WWOX: variants seen among roughly 807,000 people sequenced by gnomAD.
WWOX encodes the protein WW domain-containing oxidoreductase.
WWOX carries 69 observed loss-of-function variants against 46.2 expected under a neutral mutation model. The ratio of observed to expected loss-of-function variants is 1.49; its 90% CI spans 1.23 to 1.82. The LOEUF is 1.82. WWOX is among the 40% of genes most tolerant of loss of function. The pLI is 0.00. For missense variants in WWOX, 919 were observed against 542.6 expected, an observed-to-expected ratio of 1.69 and a Z score of -6.89; for synonymous variants, 359 against 202.6, an observed-to-expected ratio of 1.77 and a Z score of -6.56.
At chr16:78,712,507 A>G (rs1030319354) in intron 8 of WWOX, among the ~76,000 whole-genome samples, 1 of 152,018 alleles carries the variant, frequency 6.6e-6, no homozygotes, top group African/African-American at 2.4e-5. Context: ...TCTTAAAAAA[A>G]AAAAAAAGTC....
intron 8 of WWOX, among the ~76,000 whole-genome samples, chr16:79,005,510 T>C (rs1006920004): frequency 6.6e-6 from 1 of 152,206 alleles, no homozygotes; most frequent in Admixed American, 6.5e-5. Context: ...ATCCTCTCTC[T>C]GAAAACTCTA....
At chr16:78,245,641 T>C (rs2037794084) in intron 5 of WWOX, among the ~76,000 whole-genome samples, 1 of 152,230 alleles carries the variant, frequency 6.6e-6, no homozygotes, top group African/African-American at 2.4e-5. Context: ...CTCACTAATG[T>C]GCATGTCTTC....
chr16:79,168,828 C>G (rs1381304736), intron 8 of WWOX, among the ~76,000 whole-genome samples: 2 of 152,180 alleles, frequency 1.3e-5, no homozygotes, highest in African/African-American at 4.8e-5. Context: ...AGAATTCACT[C>G]TCTCCACACC....
chr16:78,913,243 G>A (rs1045454558), intron 8 of WWOX, among the ~76,000 whole-genome samples: 1 of 151,936 alleles, frequency 6.6e-6, no homozygotes, highest in Non-Finnish European at 1.5e-5. Context: ...AGTTTGCCTA[G>A]TGCTTCACAT....
chr16:79,077,622 A>G (rs1221163407), intron 8 of WWOX: 5 of 146,412 alleles, frequency 3.4e-5, no homozygotes, highest in Admixed American at 7.1e-5. Context: ...CCTCCACCCA[A>G]TGTCCTTAAA....
At chr16:78,803,808 A>G (rs895866265) in intron 8 of WWOX, among the ~76,000 whole-genome samples, 18 of 152,142 alleles carry the variant, frequency 1.2e-4, no homozygotes, top group Non-Finnish European at 1.9e-4. Flanking sequence ...TGGAAGTGGC[A>G]TGATGGAGGA....
chr16:78,339,885 C>G (rs1303519717), intron 5 of WWOX, among the ~76,000 whole-genome samples: 1 of 114,672 alleles, frequency 8.7e-6, no homozygotes, highest in Non-Finnish European at 2.1e-5. Flanking sequence ...GGAGACTGTT[C>G]CCTTTCAAGA....
At chr16:79,128,076 C>A (rs1424109) in intron 8 of WWOX, among the ~76,000 whole-genome samples, 1 of 151,956 alleles carries the variant, frequency 6.6e-6, no homozygotes, top group African/African-American at 2.4e-5. Context: ...TTGGTTACCC[C>A]CTTCTCCATC....
chr16:79,067,680 C>T (rs1264259145), intron 8 of WWOX, among the ~76,000 whole-genome samples: 1 of 151,918 alleles, frequency 6.6e-6, no homozygotes, highest in Non-Finnish European at 1.5e-5. Flanking sequence ...TGCTTTTGTG[C>T]ATTTCAGGTT....
Position 78,386,579 on chromosome 16 carries a change from C to T in WWOX, c.517-281C>T, listed in dbSNP as rs373052053. On this transcript the variant is annotated intron_variant, in intron 5 of 8. Coordinates refer to ENST00000566780, the MANE Select transcript of WWOX (RefSeq NM_016373.4). ...GAGAGGAGATAACGTTAGCCCGAAG[C>T]GCCTTTGCAGCCTCTTTTGCGCGGC... Among the ~76,000 whole-genome samples, 25 of 152,214 alleles carry T rather than the reference C, an allele frequency of 1.6e-4. No individual in the cohort carries two copies. The South Asian group carries it at 2.9e-3, about 18-fold the overall frequency.
intron 6 of WWOX, 23 bp from the exon 7 acceptor site, chr16:78,424,847 A>G: frequency 6.2e-7 from 1 of 1,613,910 alleles, no homozygotes; most frequent in Non-Finnish European, 8.5e-7. Flanking sequence ...TGTCCACATC[A>G]CATGGGATAT....
chr16:79,045,771 T>A (rs530897806), intron 8 of WWOX, among the ~76,000 whole-genome samples: 1,705 of 146,436 alleles, frequency 0.012, 22 homozygotes, highest in South Asian at 0.028. Flanking sequence ...TCTTTCCTTT[T>A]TTCTTTTCCT....
At chr16:78,439,046 C>T (rs1244804415) in intron 8 of WWOX, among the ~76,000 whole-genome samples, 1 of 152,178 alleles carries the variant, frequency 6.6e-6, no homozygotes, top group African/African-American at 2.4e-5. Context: ...CTCCCCCTTT[C>T]CATCTTTAAA....
At position 78,387,292 on chromosome 16, in the gene WWOX, A is replaced by C. The variant is rs145245705; in HGVS notation, c.605+344A>C. Among the ~76,000 whole-genome samples the C allele has an allele frequency of 4.7e-3, 720 of 152,314 alleles. 12 individuals are homozygous for C. The highest frequency in any genetic ancestry group is 0.034 in the East Asian group (175 of 5,178). The stretch of plus-strand genomic sequence containing the variant: ...TCAGAATGGAGTAAGAGTATATTTA[A>C]ATTGCATTCAGGAACAAGTAAACTC... On this transcript the variant is annotated intron_variant, in intron 6 of 8. Coordinates refer to ENST00000566780, the MANE Select transcript of WWOX (RefSeq NM_016373.4).
intron 8 of WWOX, among the ~76,000 whole-genome samples, chr16:78,910,407 A>G (rs1337556103): frequency 6.6e-6 from 1 of 151,918 alleles, no homozygotes; most frequent in Non-Finnish European, 1.5e-5. Flanking sequence ...GTATCAAGTC[A>G]CCGTGTTATG....
chr16:78,879,347 C>G (rs1227385358), intron 8 of WWOX, among the ~76,000 whole-genome samples: 1 of 152,122 alleles, frequency 6.6e-6, no homozygotes, highest in Non-Finnish European at 1.5e-5. Flanking sequence ...AACATGATGT[C>G]AAAGATGGTG....
At position 79,133,830 on chromosome 16, in the gene WWOX, C is replaced by T. The variant is rs975813609; in HGVS notation, c.1057-77778C>T. 2.6e-5 allele frequency among the ~76,000 whole-genome samples: 4 copies of T among 152,094 alleles called. No individual in the cohort carries two copies. In the South Asian group the frequency reaches 8.3e-4, roughly 32 times the overall value. Reference sequence around the variant, plus strand: ...ATGTAATGAAATGACATTGGTCAATCCTCAGTAAATGTTTTTTTCAAAGGC... The same window carrying T: ...ATGTAATGAAATGACATTGGTCAATTCTCAGTAAATGTTTTTTTCAAAGGC... On this transcript the variant is annotated intron_variant, in intron 8 of 8. Transcript: ENST00000566780.
chr16:78,255,489 G>T (rs1393192917), intron 5 of WWOX, among the ~76,000 whole-genome samples: 1 of 152,210 alleles, frequency 6.6e-6, no homozygotes, highest in East Asian at 1.9e-4. Flanking sequence ...TCATAGCAAA[G>T]AGAGAGGTAG....
chr16:78,641,794 T>C (rs1209186896), intron 8 of WWOX, among the ~76,000 whole-genome samples: 1 of 152,196 alleles, frequency 6.6e-6, no homozygotes, highest in Non-Finnish European at 1.5e-5. Flanking sequence ...GCCTGGGTCA[T>C]TGAAATTAAT....
Sources: gnomAD v4.1 joint callset for allele counts (sites outside exome capture counted in the v4.1 genomes callset) on GRCh38, gnomAD v4.1.1 for gene constraint, MANE v1.5 for transcripts, NCBI Gene and HGNC (gene_info 2026-07-23, HGNC 2026-07-21) for gene names.